GALNT17: variants seen among roughly 807,000 people sequenced by gnomAD.
The protein encoded by GALNT17 is polypeptide N-acetylgalactosaminyltransferase 17, also known as UDP-GalNAc:polypeptide N-acetylgalactosaminyltransferase-like 3.
In GALNT17, 29 loss-of-function variants were observed where a neutral mutation model predicts 63.7. That is an observed-to-expected ratio of 0.46 (90% CI 0.34 to 0.62). The LOEUF (loss-of-function observed/expected upper bound fraction) is 0.62. Among genes scored for constraint, GALNT17 ranks in the 20% least tolerant of loss-of-function variants. The pLI, the probability that GALNT17 is intolerant of heterozygous loss-of-function variation, is 0.01. For synonymous variants in GALNT17, 305 were observed against 318.3 expected, an observed-to-expected ratio of 0.96 and a Z score of 0.45; for missense variants, 603 against 799.6, an observed-to-expected ratio of 0.75 and a Z score of 2.97.
chr7:71,151,596 G>A (rs1228234627), intron 1 of GALNT17, among the ~76,000 whole-genome samples: 1 of 150,588 alleles, frequency 6.6e-6, no homozygotes, highest in Admixed American at 6.6e-5. Flanking sequence ...CTCCAGCCTG[G>A]GCGACACAGC....
intron 6 of GALNT17, 142 bp from the exon 7 acceptor site, chr7:71,665,264 ACCGTG>A: frequency 2.4e-6 from 2 of 822,950 alleles, no homozygotes; most frequent in Non-Finnish European, 3.8e-6. Flanking sequence ...GGCATGAACC[ACCGTG>A]CACAACCTCT....
chr7:71,660,267 C>T (rs897659536), intron 6 of GALNT17, among the ~76,000 whole-genome samples: 3 of 152,174 alleles, frequency 2.0e-5, no homozygotes, highest in Non-Finnish European at 4.4e-5. Flanking sequence ...AAGAACCCTG[C>T]GGTGGGTTCT....
chr7:71,454,519 G>A (rs1320859471), intron 5 of GALNT17, among the ~76,000 whole-genome samples: 2 of 152,108 alleles, frequency 1.3e-5, no homozygotes, highest in Non-Finnish European at 2.9e-5. Context: ...ATAAATGGTT[G>A]CAGCCTTCCC....
At chr7:71,285,744 C>T (rs1412778893) in intron 1 of GALNT17, among the ~76,000 whole-genome samples, 1 of 152,106 alleles carries the variant, frequency 6.6e-6, no homozygotes, top group Non-Finnish European at 1.5e-5. Context: ...GAGCCCTCAC[C>T]AAACACAGAA....
chr7:71,529,613 A>G (rs190111414), intron 5 of GALNT17, among the ~76,000 whole-genome samples: 1 of 152,222 alleles, frequency 6.6e-6, no homozygotes, highest in African/African-American at 2.4e-5. Context: ...GTGGCAGTGA[A>G]ATGTGTACAG....
chr7:71,383,973 A>C (rs1792892924), intron 2 of GALNT17, among the ~76,000 whole-genome samples: 1 of 152,112 alleles, frequency 6.6e-6, no homozygotes, highest in African/African-American at 2.4e-5. Context: ...ATATACCCGG[A>C]AGTGGAATTG....
At chr7:71,522,056 G>A (rs1449487944) in intron 5 of GALNT17, among the ~76,000 whole-genome samples, 2 of 152,114 alleles carry the variant, frequency 1.3e-5, no homozygotes, top group Admixed American at 6.5e-5. Flanking sequence ...CGATGAGACC[G>A]AGAACAAAAC....
intron 1 of GALNT17, among the ~76,000 whole-genome samples, chr7:71,135,635 C>G (rs1380751269): frequency 1.3e-5 from 2 of 152,236 alleles, no homozygotes; most frequent in African/African-American, 4.8e-5. Context: ...GCCTCCCGCC[C>G]AGGTCTCAGG....
intron 3 of GALNT17, among the ~76,000 whole-genome samples, chr7:71,401,159 G>T (rs1313707109): frequency 1.4e-5 from 2 of 147,634 alleles, no homozygotes. Context: ...GCAGTGGTGT[G>T]ATCTCAGCTC....
chr7:71,701,469 A>C (rs186394963), intron 9 of GALNT17, among the ~76,000 whole-genome samples: 294 of 152,104 alleles, frequency 1.9e-3, no homozygotes, highest in Admixed American at 4.3e-3. Flanking sequence ...CCTGGATAAC[A>C]GAGTGAGACT....
intron 6 of GALNT17, among the ~76,000 whole-genome samples, chr7:71,573,769 T>G (rs1789490471): frequency 6.6e-6 from 1 of 152,200 alleles, no homozygotes; most frequent in Non-Finnish European, 1.5e-5. Context: ...GGTGCACAGA[T>G]TATTACCCAG....
rs576730752 is a variant in GALNT17 at position 71,700,335 on chromosome 7, TACTTA to T, written c.1501-10421_1501-10417del. Among the ~76,000 whole-genome samples, 30 of 151,930 alleles carry T rather than the reference TACTTA, an allele frequency of 2.0e-4. No homozygotes were observed. In the South Asian group the frequency reaches 2.5e-3, roughly 13 times the overall value. On this transcript the variant is annotated intron_variant, in intron 9 of 10. Transcript: ENST00000333538. ...AAAAAAAAAAAGAAGAATTCTTAAC[TACTTA>T]ACTTGTATGCATTCTCAAATCTGTC...
chr7:71,197,374 T>TC (rs1175222233), intron 1 of GALNT17, among the ~76,000 whole-genome samples: 1 of 151,084 alleles, frequency 6.6e-6, no homozygotes, highest in Non-Finnish European at 1.5e-5. Context: ...TAATTTTTTT[T>TC]TTTTTTTGCA....
intron 1 of GALNT17, among the ~76,000 whole-genome samples, chr7:71,232,878 G>T (rs1163086220): frequency 6.6e-6 from 1 of 152,096 alleles, no homozygotes; most frequent in African/African-American, 2.4e-5. Flanking sequence ...GGTGCTTTTG[G>T]TGCCTCTTCC....
intron 5 of GALNT17, among the ~76,000 whole-genome samples, chr7:71,470,339 G>C (rs953780394): frequency 6.6e-6 from 1 of 152,158 alleles, no homozygotes; most frequent in Admixed American, 6.6e-5. Flanking sequence ...GAGGATGTTT[G>C]GTTGGTGGGT....
rs145684340 is a variant in GALNT17 at position 71,391,234 on chromosome 7, C to G, written c.589+2833C>G. ...TAGAACACCCAGAGAGGAGCATGAA[C>G]TGCAGATCGGGCTGGATTGGGGTGA... is the stretch of plus-strand genomic sequence containing the variant. On this transcript the variant is annotated intron_variant, in intron 3 of 10. Coordinates refer to ENST00000333538, the MANE Select transcript of GALNT17 (RefSeq NM_022479.3). Among the ~76,000 whole-genome samples, 797 of 152,302 alleles carry G rather than the reference C, an allele frequency of 5.2e-3. 9 individuals carry two copies. The highest frequency in any genetic ancestry group is 0.018 in the African/African-American group (757 of 41,574).
intron 2 of GALNT17, among the ~76,000 whole-genome samples, chr7:71,385,709 G>A (rs866891184): frequency 1.3e-5 from 2 of 152,172 alleles, no homozygotes; most frequent in South Asian, 4.1e-4. Context: ...GCAGGCCATG[G>A]GCACGGTGCA....
chr7:71,181,595 C>T (rs1315452059), intron 1 of GALNT17, among the ~76,000 whole-genome samples: 3 of 152,034 alleles, frequency 2.0e-5, no homozygotes, highest in Admixed American at 1.3e-4. Context: ...GGGCTGGGCA[C>T]GGTGGCTCAT....
At chr7:71,296,443 C>T (rs150511782) in intron 1 of GALNT17, among the ~76,000 whole-genome samples, 411 of 152,014 alleles carry the variant, frequency 2.7e-3, no homozygotes, top group Middle Eastern at 0.014. Flanking sequence ...GGGCCAACCC[C>T]GTCTCTACTA....
Sources: gnomAD v4.1 joint callset for allele counts (sites outside exome capture counted in the v4.1 genomes callset) on GRCh38, gnomAD v4.1.1 for gene constraint, MANE v1.5 for transcripts, NCBI Gene and HGNC (gene_info 2026-07-23, HGNC 2026-07-21) for gene names.